MACROD2: variants seen among roughly 807,000 people sequenced by gnomAD.
MACROD2 encodes the protein mono-ADP ribosylhydrolase 2, also known as ADP-ribose glycohydrolase MACROD2.
A neutral mutation model predicts 70.4 loss-of-function variants in MACROD2; 36 were observed. That is an observed-to-expected ratio of 0.51 (90% CI 0.39 to 0.68). The LOEUF is 0.68. Ranked by LOEUF, MACROD2 falls within the 30% of genes least tolerant of loss-of-function variation. MACROD2 has a pLI of 0.00. For missense variants in MACROD2, 496 were observed against 538.4 expected, an observed-to-expected ratio of 0.92 and a Z score of 0.78; for synonymous variants, 172 against 178.8, an observed-to-expected ratio of 0.96 and a Z score of 0.30.
chr20:14,663,202 C>G (rs1237786405), intron 4 of MACROD2, among the ~76,000 whole-genome samples: 1 of 151,938 alleles, frequency 6.6e-6, no homozygotes, highest in Non-Finnish European at 1.5e-5. Context: ...GAGGTGGAAG[C>G]CATTATCCTT....
chr20:15,112,060 C>G (rs866752601), intron 5 of MACROD2, among the ~76,000 whole-genome samples: 1 of 152,180 alleles, frequency 6.6e-6, no homozygotes, highest in African/African-American at 2.4e-5. Context: ...AAATACCACC[C>G]CTCTATTGTT....
intron 3 of MACROD2, among the ~76,000 whole-genome samples, chr20:14,392,328 A>G (rs1159372227): frequency 1.3e-5 from 2 of 151,758 alleles, no homozygotes; most frequent in African/African-American, 2.4e-5. Context: ...TTTTATTCAC[A>G]TATTACATAC....
At chr20:14,324,671 T>C (rs2082706127) in intron 3 of MACROD2, 1 of 152,164 alleles carries the variant, frequency 6.6e-6, no homozygotes, top group African/African-American at 2.4e-5. Flanking sequence ...AACAATTTTG[T>C]GTTTATAATT....
chr20:15,200,453 C>T (rs1038576359), intron 5 of MACROD2, among the ~76,000 whole-genome samples: 1 of 152,186 alleles, frequency 6.6e-6, no homozygotes, highest in South Asian at 2.1e-4. Flanking sequence ...TTAAAAGACT[C>T]ATTTACCAGT....
At chr20:15,197,050 T>TCTTATAAGGTC (rs761698673) in intron 5 of MACROD2, 2 of 984,480 alleles carry the variant, frequency 2.0e-6, no homozygotes, top group Non-Finnish European at 2.4e-6. Context: ...TTTTGCTCAC[T>TCTTATAAGGTC]CTTATAAGGT....
intron 3 of MACROD2, among the ~76,000 whole-genome samples, chr20:14,310,615 CT>C (rs545985025): frequency 1.6e-4 from 24 of 152,044 alleles, no homozygotes; most frequent in Non-Finnish European, 2.8e-4. Flanking sequence ...ATTTACTATA[CT>C]TTTTTTTATT....
chr20:14,832,031 C>T (rs1244897751), intron 5 of MACROD2, among the ~76,000 whole-genome samples: 1 of 121,906 alleles, frequency 8.2e-6, no homozygotes, highest in Non-Finnish European at 1.7e-5. Context: ...CATGCCTTTG[C>T]GAGTTTTTTT....
intron 5 of MACROD2, among the ~76,000 whole-genome samples, chr20:14,891,015 C>A (rs967828834): frequency 7.1e-6 from 1 of 141,804 alleles, no homozygotes; most frequent in African/African-American, 2.6e-5. Flanking sequence ...CCCTTCCTAC[C>A]TTCCTTCCTT....
intron 5 of MACROD2, among the ~76,000 whole-genome samples, chr20:14,963,557 G>T (rs1007716181): frequency 6.6e-6 from 1 of 152,134 alleles, no homozygotes; most frequent in African/African-American, 2.4e-5. Flanking sequence ...AAACAGGTAT[G>T]CTGATTATGT....
At position 14,279,016 on chromosome 20, in the gene MACROD2, G is replaced by A. The variant is rs114139048; in HGVS notation, c.271+193288G>A. On this transcript the variant is annotated intron_variant, in intron 3 of 17. Transcript: ENST00000684519. ...GGGGTAATGTAGGGTAGAACGTGGAGCAAGAGTCTGTGTTGGATATTGGAG... is the reference window on the plus strand; with the variant it reads ...GGGGTAATGTAGGGTAGAACGTGGAACAAGAGTCTGTGTTGGATATTGGAG... Among the ~76,000 whole-genome samples, 876 of 152,284 alleles carry A rather than the reference G, an allele frequency of 5.8e-3. 10 individuals carry two copies. Among genetic ancestry groups the A allele is most frequent in the Middle Eastern group, 0.034 (10 of 294 alleles).
intron 3 of MACROD2, among the ~76,000 whole-genome samples, chr20:14,348,417 G>A (rs1354186376): frequency 6.6e-6 from 1 of 151,974 alleles, no homozygotes; most frequent in Non-Finnish European, 1.5e-5. Flanking sequence ...AAGAAGGAAG[G>A]TATACCAGTT....
chr20:15,908,404 C>T (rs762596678), intron 10 of MACROD2, among the ~76,000 whole-genome samples: 1 of 152,226 alleles, frequency 6.6e-6, no homozygotes, highest in Non-Finnish European at 1.5e-5. Flanking sequence ...GGTAACAGCT[C>T]CCATCCACTG....
At chr20:14,065,625 T>C (rs958704938) in intron 2 of MACROD2, among the ~76,000 whole-genome samples, 1 of 152,210 alleles carries the variant, frequency 6.6e-6, no homozygotes, top group African/African-American at 2.4e-5. Context: ...TGCTTTACTA[T>C]GTTTTAATCC....
At position 15,106,976 on chromosome 20, in the gene MACROD2, G is replaced by A. The variant is rs1692928283; in HGVS notation, c.419-122964G>A. 3.0e-5 allele frequency among the ~76,000 whole-genome samples: 3 copies of A among 98,436 alleles called. No homozygotes were observed. In the Admixed American group the frequency reaches 3.2e-4, roughly 11 times the overall value. 64.6% of individuals were successfully genotyped at this position (98,436 alleles called of 152,430 possible). A position where few individuals can be genotyped will look rare whatever the true frequency, so the allele number is the denominator to read the frequency against. The stretch of plus-strand genomic sequence containing the variant: ...AAACACATATTATGTATCCCCTAAT[G>A]TATGATTTATATGTATATAATATTT... On this transcript the variant is annotated intron_variant, in intron 5 of 17. Coordinates refer to ENST00000684519, the MANE Select transcript of MACROD2 (RefSeq NM_001351661.2).
At chr20:14,236,991 T>A (rs992616450) in intron 3 of MACROD2, among the ~76,000 whole-genome samples, 2 of 152,180 alleles carry the variant, frequency 1.3e-5, no homozygotes, top group Admixed American at 6.5e-5. Context: ...TCTGAAAATT[T>A]CTTTATTTTA....
chr20:15,318,319 AATT>A (rs1444060012), intron 6 of MACROD2, among the ~76,000 whole-genome samples: 1 of 152,170 alleles, frequency 6.6e-6, no homozygotes, highest in Non-Finnish European at 1.5e-5. Context: ...TATAACAAGA[AATT>A]ATATCAGTAA....
chr20:15,527,394 A>G (rs943991778), intron 8 of MACROD2, among the ~76,000 whole-genome samples: 1 of 152,242 alleles, frequency 6.6e-6, no homozygotes, highest in African/African-American at 2.4e-5. Flanking sequence ...TTCTTTTCAC[A>G]TGGCTTTATA....
chr20:14,011,491 C>A (rs756470096), intron 2 of MACROD2, among the ~76,000 whole-genome samples: 2 of 151,780 alleles, frequency 1.3e-5, no homozygotes, highest in African/African-American at 4.8e-5. Flanking sequence ...CTTTTGTCTG[C>A]GTTAAAAAGC....
chr20:14,346,123 A>G (rs1029168195), intron 3 of MACROD2, among the ~76,000 whole-genome samples: 1 of 137,736 alleles, frequency 7.3e-6, no homozygotes. Context: ...AAAAAAAAAA[A>G]AGTAAGAGAG....
Sources: gnomAD v4.1 joint callset for allele counts (sites outside exome capture counted in the v4.1 genomes callset) on GRCh38, gnomAD v4.1.1 for gene constraint, MANE v1.5 for transcripts, NCBI Gene and HGNC (gene_info 2026-07-23, HGNC 2026-07-21) for gene names.